The following RYR1 variants were observed in gnomAD, a reference collection of about 807,000 sequenced individuals.
RYR1 encodes the protein ryanodine receptor 1.
In RYR1, 342 loss-of-function variants were observed where a neutral mutation model predicts 583.5. The observed-to-expected ratio is 0.59, with a 90% CI of 0.54 to 0.64. The LOEUF (loss-of-function observed/expected upper bound fraction) is 0.64, where lower values mean the gene tolerates loss of function less well. RYR1 is among the 30% of genes least tolerant of loss of function. The pLI, the probability that RYR1 is intolerant of heterozygous loss-of-function variation, is 0.00. For synonymous variants in RYR1, 2,791 were observed against 2,822.5 expected, an observed-to-expected ratio of 0.99 and a Z score of 0.35; for missense variants, 6,032 against 6,917.2, an observed-to-expected ratio of 0.87 and a Z score of 4.54.
At chr19:38,459,838 C>T (rs547743791) in intron 19 of RYR1, among the ~76,000 whole-genome samples, 2 of 152,278 alleles carry the variant, frequency 1.3e-5, no homozygotes, top group South Asian at 4.2e-4. Context: ...ATAATGCCAG[C>T]ATCTCCCGAT....
At chr19:38,545,190 C>T (rs1291366076) in intron 87 of RYR1, among the ~76,000 whole-genome samples, 1 of 152,138 alleles carries the variant, frequency 6.6e-6, no homozygotes, top group African/African-American at 2.4e-5. Flanking sequence ...CGGTCATATA[C>T]CCACCTATAG....
Position 38,502,568 on chromosome 19 carries a change from T to A in RYR1, c.7676T>A (p.Leu2559Gln), listed in dbSNP as rs139564550. Residue 2559 changes from leucine (L) to glutamine (Q), a missense_variant, in exon 48 of 106, where the codon CTG becomes CAG. Physicochemically the swap from Leu to Gln is moderately radical, Grantham distance 113. This residue lies in a region of RYR1 where 250 missense variants were observed against 162.3 expected (regional missense o/e 1.54). Coordinates refer to ENST00000359596, the MANE Select transcript of RYR1 (RefSeq NM_000540.3). ...ALNRYLCLAV[L>Q]PLITKCAPLF... The stretch of plus-strand genomic sequence containing the variant: ...AACCGCTACCTGTGCCTGGCCGTGC[T>A]GCCGCTCATCACCAAGTGTGCGCCG... 13 of 1,612,030 alleles carry A rather than the reference T, an allele frequency of 8.1e-6. No homozygotes were observed. Among genetic ancestry groups the A allele is most frequent in the Non-Finnish European group, 9.3e-6 (11 of 1,179,862 alleles).
chr19:38,452,956 AG>A lies in RYR1; in HGVS notation c.1384del (p.Glu462ArgfsTer26). ...CCTCCCTCCGAGGACTTGCAGCACG[AG>A]GAGAAGCAGAGCAAGCTGCGAAGCC... ...FEPPSEDLQH[E>X]EKQSKLRSLR... is the part of the protein sequence containing the mutation. On this transcript the variant is annotated frameshift_variant, in exon 13 of 106. Transcript: ENST00000359596. LOFTEE classifies it high-confidence loss of function. 1.2e-6 allele frequency: 2 copies of A among 1,613,980 alleles called. No homozygotes were observed. Among genetic ancestry groups the A allele is most frequent in the Non-Finnish European group, 1.7e-6 (2 of 1,179,888 alleles).
At chr19:38,576,440 C>T (rs1335341110) in intron 97 of RYR1, among the ~76,000 whole-genome samples, 1 of 151,264 alleles carries the variant, frequency 6.6e-6, no homozygotes, top group Admixed American at 6.6e-5. Flanking sequence ...AAGAGTGAGA[C>T]CTCATCTCAA....
In RYR1 at chr19:38,500,073, C is replaced by A; in HGVS notation, c.7323+57C>A. On this transcript the variant is annotated intron_variant, in intron 45 of 105. Transcript: ENST00000359596. The surrounding 1 kb of genome is among the most constrained non-coding windows in gnomAD (Gnocchi z 5.9). ...GGAGGGCAGGCACAGCCGCTTTGAA[C>A]GCCTCATGCAGGCACTCGGTGACAC... The A allele has an allele frequency of 6.7e-7, 1 of 1,492,910 alleles. No individual in the cohort carries two copies. Among genetic ancestry groups the A allele is most frequent in the Non-Finnish European group, 9.3e-7 (1 of 1,074,038 alleles). The allele number at this position is 1,492,910 out of a possible 1,614,324, so 92.5% of individuals were successfully genotyped here.
chr19:38,484,240 T>C (rs1969162100), intron 33 of RYR1, among the ~76,000 whole-genome samples: 1 of 152,006 alleles, frequency 6.6e-6, no homozygotes, highest in African/African-American at 2.4e-5. Context: ...TGCATTGAGC[T>C]AGGATCACGC....
Position 38,504,040 on chromosome 19 carries a change from G to T in RYR1, c.7927-180G>T, listed in dbSNP as rs79781846. On this transcript the variant is annotated intron_variant, in intron 49 of 105. Transcript: ENST00000359596. Reference sequence around the variant, plus strand: ...GAATGCTAAATTTGCATACTAAGCTGTCTAGGACCACTCCTCAATAAACAT... The same window carrying T: ...GAATGCTAAATTTGCATACTAAGCTTTCTAGGACCACTCCTCAATAAACAT... Among the ~76,000 whole-genome samples the T allele has an allele frequency of 0.05, 7,617 of 152,248 alleles. 327 individuals are homozygous for T. The highest frequency in any genetic ancestry group is 0.21 in the South Asian group (1,010 of 4,830).
At chr19:38,498,043 G>A (rs1277100165) in intron 42 of RYR1, among the ~76,000 whole-genome samples, 1 of 152,158 alleles carries the variant, frequency 6.6e-6, no homozygotes, top group East Asian at 1.9e-4. Context: ...GAAGGTGACA[G>A]GTCAGGTGGT....
intron 89 of RYR1, among the ~76,000 whole-genome samples, chr19:38,551,025 C>CTTTTTTTTTTTTTTTTTTTTTTT (rs71165560): frequency 2.4e-5 from 1 of 41,312 alleles, no homozygotes; most frequent in Non-Finnish European, 4.6e-5. Context: ...GGATTCACGG[C>CTTTTTTTTTTTTTTTTTTTTTTT]TTTTTTTTTT....
At chr19:38,557,599 G>C (rs1972936264) in intron 89 of RYR1, among the ~76,000 whole-genome samples, 1 of 152,154 alleles carries the variant, frequency 6.6e-6, no homozygotes, top group Non-Finnish European at 1.5e-5. Flanking sequence ...GAGGGACAGA[G>C]AGCAGCCTGG....
intron 1 of RYR1, among the ~76,000 whole-genome samples, chr19:38,439,202 G>GT (rs1972561798): frequency 6.7e-6 from 1 of 150,036 alleles, no homozygotes; most frequent in Non-Finnish European, 1.5e-5. Context: ...TTTTTTGTTT[G>GT]TTTTTTGAGA....
In RYR1 at chr19:38,587,312, T is replaced by C. The variant is rs955667716; in HGVS notation, c.15022-13T>C. The C allele has an allele frequency of 8.9e-6, 14 of 1,580,708 alleles. No homozygotes were observed. In the Admixed American group the frequency reaches 1.8e-4, roughly 21 times the overall value. ...AGATGTGACCAATGAACTCTTTCTA[T>C]CCCCAATCCTAGGAGTCTTATGTCT... On this transcript the variant is annotated splice_polypyrimidine_tract_variant and intron_variant, in intron 105 of 105. Coordinates refer to ENST00000359596, the MANE Select transcript of RYR1 (RefSeq NM_000540.3).
Position 38,510,654 on chromosome 19 carries a change from C to A in RYR1, c.9001-6C>A. On this transcript the variant is annotated splice_polypyrimidine_tract_variant and splice_region_variant and intron_variant, in intron 59 of 105. Transcript: ENST00000359596. ...GGACCCTTTATCTCCCCCAACCCGT[C>A]TCCAGATCCTGCTCCCTTTGATCAA... The A allele has an allele frequency of 6.2e-7, 1 of 1,614,168 alleles. No individual in the cohort carries two copies. Among genetic ancestry groups the A allele is most frequent in the Non-Finnish European group, 8.5e-7 (1 of 1,180,030 alleles).
intron 70 of RYR1, among the ~76,000 whole-genome samples, chr19:38,524,585 C>T (rs1250552087): frequency 2.6e-5 from 4 of 152,216 alleles, no homozygotes; most frequent in Admixed American, 1.3e-4. Flanking sequence ...TTCTCGCTGG[C>T]GTGACTGGGG....
At position 38,502,782 on chromosome 19, in the gene RYR1, GGGGCAGGGGCAGGGGC is replaced by G; in HGVS notation, c.7835+56_7835+71del. On this transcript the variant is annotated intron_variant, in intron 48 of 105. Transcript: ENST00000359596. ...AGGGGCAGGGGCAGGGGCAGGGGCA[GGGGCAGGGGCAGGGGC>G]AGGGGCAGGGGGAGGAGCAGGGGCA... 3.6e-5 allele frequency: 41 copies of G among 1,149,906 alleles called. 1 individual carries two copies. In the African/African-American group the frequency reaches 5.9e-4, roughly 16 times the overall value. The allele number at this position is 1,149,906 out of a possible 1,614,324, so 71.2% of individuals were successfully genotyped here.
chr19:38,504,865 G>C lies in RYR1; in HGVS notation c.8185G>C (p.Val2729Leu). The C allele has an allele frequency of 1.2e-6, 2 of 1,614,182 alleles. No homozygotes were observed. The highest frequency in any genetic ancestry group is 1.7e-6 in the Non-Finnish European group (2 of 1,180,026). The change falls in exon 51 of 106, where the codon GTG becomes CTG. Residue 2729 changes from valine to leucine, a missense_variant. Coordinates refer to ENST00000359596, the MANE Select transcript of RYR1 (RefSeq NM_000540.3). Reference protein sequence around the residue: ...YSSKAEKKATVDAEGNFDPRP... With the variant: ...YSSKAEKKATLDAEGNFDPRP... ...ATCTAAGGCAGAGAAAAAGGCCACA[G>C]TGGATGCTGAAGGCAACTTTGATCC...
intron 70 of RYR1, among the ~76,000 whole-genome samples, chr19:38,525,040 C>G (rs1336301654): frequency 6.6e-6 from 1 of 152,076 alleles, no homozygotes; most frequent in Non-Finnish European, 1.5e-5. Context: ...GCCAAGAGTT[C>G]AAGTCCAGCC....
At position 38,448,426 on chromosome 19, in the gene RYR1, C is replaced by A. The variant is rs200572262; in HGVS notation, c.872C>A (p.Ala291Glu). The A allele has an allele frequency of 1.2e-6, 2 of 1,613,528 alleles. No homozygotes were observed. The highest frequency in any genetic ancestry group is 1.3e-5 in the African/African-American group (1 of 75,050). The change falls in exon 10 of 106, where the codon GCG (alanine) becomes GAG (glutamate). Residue 291 changes from alanine (A) to glutamate (E), a missense_variant. Physicochemically the swap from Ala to Glu is moderately radical, Grantham distance 107. Around this residue, in one of 11 missense-constraint regions of RYR1, gnomAD observed 338 missense variants for 441.6 expected, o/e 0.77. Coordinates refer to ENST00000359596, the MANE Select transcript of RYR1 (RefSeq NM_000540.3). ...VRHVTTGQYL[A>E]LTEDQGLVVV... Reference sequence around the variant, plus strand: ...CATGTCACTACCGGGCAGTACCTAGCGCTCACCGAGGACCAGGGCCTGGTG... The same window carrying A: ...CATGTCACTACCGGGCAGTACCTAGAGCTCACCGAGGACCAGGGCCTGGTG...
At position 38,582,150 on chromosome 19, in the gene RYR1, C is replaced by T. The variant is rs368456313; in HGVS notation, c.14646+1646C>T. On this transcript the variant is annotated intron_variant, in intron 101 of 105. Coordinates refer to ENST00000359596, the MANE Select transcript of RYR1 (RefSeq NM_000540.3). ...CGGTGGCTCATGCCTGTAATCCCAG[C>T]ACTTTGGGGGGCTGAGGGGGGCAGA... 4.3e-4 allele frequency among the ~76,000 whole-genome samples: 65 copies of T among 152,186 alleles called. No homozygotes were observed. The South Asian group carries it at 0.013, about 32-fold the overall frequency.
Sources: gnomAD v4.1 joint callset for allele counts (sites outside exome capture counted in the v4.1 genomes callset) on GRCh38, gnomAD v4.1.1 for gene constraint, gnomAD v4.1.1 regional missense constraint, Gnocchi (gnomAD v3.1) non-coding constraint, MANE v1.5 for transcripts, NCBI Gene and HGNC (gene_info 2026-07-23, HGNC 2026-07-21) for gene names.